Variants in LIMS1 observed in about 807,000 individuals in gnomAD.
LIMS1 encodes the protein LIM zinc finger domain containing 1, also known as LIM and senescent cell antigen-like-containing domain protein 1.
In LIMS1, 18 loss-of-function variants were observed where a neutral mutation model predicts 44.1. The ratio of observed to expected loss-of-function variants is 0.41; its 90% CI spans 0.28 to 0.61. LIMS1 has a LOEUF of 0.61. LIMS1 is among the 20% of genes least tolerant of loss of function. LIMS1 has a pLI of 0.32. For missense variants in LIMS1, 201 were observed against 422.0 expected, an observed-to-expected ratio of 0.48 and a Z score of 4.59; for synonymous variants, 93 against 149.1, an observed-to-expected ratio of 0.62 and a Z score of 2.74.
intron 1 of LIMS1, among the ~76,000 whole-genome samples, chr2:108,579,473 A>G (rs1221858259): frequency 1.3e-5 from 2 of 152,232 alleles, no homozygotes; most frequent in African/African-American, 2.4e-5. Context: ...CAAGAGTGCA[A>G]AAATCTTAAG....
intron 1 of LIMS1, among the ~76,000 whole-genome samples, chr2:108,641,219 C>T (rs1689647360): frequency 6.6e-6 from 1 of 152,128 alleles, no homozygotes; most frequent in Admixed American, 6.6e-5. Flanking sequence ...AATATTTCAA[C>T]CTGATATCAT....
intron 5 of LIMS1, among the ~76,000 whole-genome samples, chr2:108,674,359 C>CT (rs1020955527): frequency 6.6e-6 from 1 of 151,986 alleles, no homozygotes; most frequent in Non-Finnish European, 1.5e-5. Flanking sequence ...ATATTCTTTA[C>CT]TGTAGTTAAT....
intron 1 of LIMS1, among the ~76,000 whole-genome samples, chr2:108,624,756 C>CTAAATAAA (rs1224936213): frequency 6.7e-6 from 1 of 150,244 alleles, no homozygotes; most frequent in African/African-American, 2.5e-5. Context: ...GACTATGTCT[C>CTAAATAAA]TAAATAAATA....
intron 1 of LIMS1, among the ~76,000 whole-genome samples, chr2:108,637,626 T>G (rs1689367035): frequency 6.6e-6 from 1 of 152,260 alleles, no homozygotes; most frequent in Non-Finnish European, 1.5e-5. Flanking sequence ...ACTGCCATTC[T>G]GTATTGGAAA....
chr2:108,616,704 A>C (rs567912062), intron 1 of LIMS1, among the ~76,000 whole-genome samples: 13 of 152,130 alleles, frequency 8.5e-5, no homozygotes, highest in African/African-American at 3.1e-4. Context: ...CTGCCTTCTC[A>C]TACTCTCTGC....
At chr2:108,623,412 T>TA (rs1688371559) in intron 1 of LIMS1, among the ~76,000 whole-genome samples, 1 of 152,098 alleles carries the variant, frequency 6.6e-6, no homozygotes, top group Non-Finnish European at 1.5e-5. Flanking sequence ...TATTCTTTTT[T>TA]TAAAAAAATA....
chr2:108,673,042 T>G lies in LIMS1; in HGVS notation c.530+13T>G. ...GCGCCAACTGCGGGTACTGGAATTGTTTCTTTTTTATTACACAAGCAGTGG... is the reference window on the plus strand; with the variant it reads ...GCGCCAACTGCGGGTACTGGAATTGGTTCTTTTTTATTACACAAGCAGTGG... On this transcript the variant is annotated intron_variant, in intron 5 of 9. Coordinates refer to ENST00000544547, the Ensembl canonical transcript of LIMS1. The G allele has an allele frequency of 8.5e-7, 1 of 1,176,124 alleles. No homozygotes were observed. The highest frequency in any genetic ancestry group is 1.2e-6 in the Non-Finnish European group (1 of 848,106). The allele number at this position is 1,176,124 out of a possible 1,614,324, so 72.9% of individuals were successfully genotyped here. A position where few individuals can be genotyped will look rare whatever the true frequency, so the allele number is the denominator to read the frequency against.
intron 3 of LIMS1, among the ~76,000 whole-genome samples, chr2:108,672,090 C>A (rs1692203831): frequency 1.3e-5 from 2 of 151,384 alleles, no homozygotes; most frequent in Middle Eastern, 3.4e-3. Context: ...TCGCTTGAAC[C>A]CGGGAGGCAG....
chr2:108,639,444 G>A (rs978284364), intron 1 of LIMS1, among the ~76,000 whole-genome samples: 3 of 152,132 alleles, frequency 2.0e-5, no homozygotes, highest in Non-Finnish European at 4.4e-5. Flanking sequence ...TATCATATAT[G>A]TGTACATGTT....
chr2:108,578,035 G>A (rs1002411020), intron 1 of LIMS1, among the ~76,000 whole-genome samples: 15 of 151,946 alleles, frequency 9.9e-5, no homozygotes, highest in African/African-American at 2.7e-4. Context: ...TCAGCCTCCC[G>A]AGTAGCTGGG....
chr2:108,636,134 G>A (rs898696387), intron 1 of LIMS1, among the ~76,000 whole-genome samples: 1 of 152,238 alleles, frequency 6.6e-6, no homozygotes, highest in Non-Finnish European at 1.5e-5. Flanking sequence ...GGACCCTAGA[G>A]CTGAGTTAGA....
At chr2:108,617,361 T>G (rs1241592481) in intron 1 of LIMS1, among the ~76,000 whole-genome samples, 1 of 152,236 alleles carries the variant, frequency 6.6e-6, no homozygotes, top group Non-Finnish European at 1.5e-5. Context: ...TTTATACTTG[T>G]GGAAGGTACT....
intron 8 of LIMS1, among the ~76,000 whole-genome samples, chr2:108,679,599 A>C (rs1338937751): frequency 2.0e-5 from 3 of 152,176 alleles, no homozygotes; most frequent in Non-Finnish European, 4.4e-5. Context: ...AGTATCCTGC[A>C]CATACTGAGC....
chr2:108,576,330 T>C (rs1685669319), intron 1 of LIMS1, among the ~76,000 whole-genome samples: 1 of 152,086 alleles, frequency 6.6e-6, no homozygotes, highest in Non-Finnish European at 1.5e-5. Context: ...GTCTTGATCC[T>C]GGGCTCAAGC....
intron 2 of LIMS1, among the ~76,000 whole-genome samples, chr2:108,669,809 C>G (rs1313762856): frequency 6.6e-6 from 1 of 151,852 alleles, no homozygotes; most frequent in Non-Finnish European, 1.5e-5. Context: ...CATATTGATG[C>G]ATGAGATACA....
At chr2:108,677,675 G>A (rs1439974519) in intron 7 of LIMS1, among the ~76,000 whole-genome samples, 1 of 152,194 alleles carries the variant, frequency 6.6e-6, no homozygotes, top group East Asian at 1.9e-4. Flanking sequence ...GCCTGAGCAA[G>A]AACCCACCTC....
At chr2:108,636,326 G>A (rs1285347935) in intron 1 of LIMS1, among the ~76,000 whole-genome samples, 1 of 152,240 alleles carries the variant, frequency 6.6e-6, no homozygotes, top group Non-Finnish European at 1.5e-5. Flanking sequence ...GATGGGTGCT[G>A]CTGGCTGCAT....
intron 1 of LIMS1, among the ~76,000 whole-genome samples, chr2:108,557,767 C>T (rs2104604348): frequency 6.6e-6 from 1 of 152,286 alleles, no homozygotes; most frequent in Middle Eastern, 3.4e-3. Context: ...CCACCTGCCT[C>T]AGCCTCCCAA....
chr2:108,685,125 A>G (rs1332305388), exon 10 of LIMS1: 1 of 152,144 alleles, frequency 6.6e-6, no homozygotes, highest in Non-Finnish European at 1.5e-5. Flanking sequence ...TCTTATTAGA[A>G]GAAAATGATG....
Sources: gnomAD v4.1 joint callset for allele counts (sites outside exome capture counted in the v4.1 genomes callset) on GRCh38, gnomAD v4.1.1 for gene constraint, MANE v1.5 for transcripts, NCBI Gene and HGNC (gene_info 2026-07-23, HGNC 2026-07-21) for gene names.